KSR2: variants seen among roughly 807,000 people sequenced by gnomAD.
KSR2 encodes the protein kinase suppressor of ras 2.
Under a neutral mutation model 107.8 loss-of-function variants are expected in KSR2, and 25 were observed. The ratio of observed to expected loss-of-function variants is 0.23; its 90% CI spans 0.17 to 0.32. The LOEUF is 0.32. Ranked by LOEUF, KSR2 falls within the 10% of genes least tolerant of loss-of-function variation. The pLI is 1.00. For synonymous variants in KSR2, 480 were observed against 507.0 expected (o/e 0.95, Z 0.71); for missense variants, 887 against 1,268.9 (o/e 0.70, Z 4.57).
intron 4 of KSR2, among the ~76,000 whole-genome samples, chr12:117,720,191 C>G (rs1887152309): frequency 6.6e-6 from 1 of 152,196 alleles, no homozygotes; most frequent in Non-Finnish European, 1.5e-5. Flanking sequence ...TTGGGCACAG[C>G]CAGGGGCTGG....
At chr12:117,594,934 C>T (rs967931559) in intron 5 of KSR2, among the ~76,000 whole-genome samples, 7 of 152,096 alleles carry the variant, frequency 4.6e-5, no homozygotes, top group Middle Eastern at 3.4e-3. Flanking sequence ...GAACACTGTC[C>T]AGCTCCAAAT....
chr12:117,511,355 C>T (rs943414638), intron 14 of KSR2, among the ~76,000 whole-genome samples: 24 of 152,192 alleles, frequency 1.6e-4, no homozygotes, highest in African/African-American at 5.3e-4. Flanking sequence ...AGAGAAGTGG[C>T]CAGACTACGG....
intron 3 of KSR2, among the ~76,000 whole-genome samples, chr12:117,816,956 G>A (rs949192635): frequency 2.6e-5 from 4 of 152,140 alleles, no homozygotes; most frequent in Admixed American, 2.0e-4. Flanking sequence ...ACACAAGGCA[G>A]CACATCCATC....
intron 4 of KSR2, among the ~76,000 whole-genome samples, chr12:117,668,226 C>T (rs1159063387): frequency 2.6e-5 from 4 of 152,202 alleles, no homozygotes; most frequent in Non-Finnish European, 4.4e-5. Context: ...ACTAAGCCTT[C>T]GGTAGGATCA....
rs371418251 is a variant in KSR2 at position 117,697,882 on chromosome 12, GTTAAAT to G, written c.987-30230_987-30225del. ...AATAGGGTCATTGCAGCTGTAATTA[GTTAAAT>G]TTAGATGAGTTCATAACTGGAGTAG... is the stretch of plus-strand genomic sequence containing the variant. On this transcript the variant is annotated intron_variant, in intron 4 of 19. Transcript: ENST00000339824. Among the ~76,000 whole-genome samples the G allele has an allele frequency of 4.6e-5, 7 of 152,150 alleles. 1 individual carries two copies. The highest frequency in any genetic ancestry group is 1.4e-4 in the African/African-American group (6 of 41,508).
intron 1 of KSR2, among the ~76,000 whole-genome samples, chr12:117,939,417 T>G (rs1475065510): frequency 6.6e-6 from 1 of 152,074 alleles, no homozygotes; most frequent in East Asian, 1.9e-4. Context: ...TTGTATAGAT[T>G]TGAAACGTGG....
At chr12:117,614,961 A>G (rs929273315) in intron 5 of KSR2, among the ~76,000 whole-genome samples, 5 of 151,930 alleles carry the variant, frequency 3.3e-5, no homozygotes, top group African/African-American at 1.2e-4. Context: ...CAGTTGAGGG[A>G]AAAAAACTGT....
chr12:117,773,812 C>T lies in KSR2; in HGVS notation c.473-12288G>A, dbSNP rs116925291. On this transcript the variant is annotated intron_variant, in intron 3 of 19. Coordinates refer to ENST00000339824, the MANE Select transcript of KSR2 (RefSeq NM_173598.6). ...GGTTGAAAATATTTGACTGGAATCA[C>T]AGGAAAAGCGAAGTACAATAAGTAC... Among the ~76,000 whole-genome samples, 627 of 152,260 alleles carry T rather than the reference C, an allele frequency of 4.1e-3. 3 individuals are homozygous for T. Among genetic ancestry groups the T allele is most frequent in the Middle Eastern group, 0.014 (4 of 294 alleles).
intron 7 of KSR2, among the ~76,000 whole-genome samples, 199 bp downstream of exon 7, chr12:117,578,920 T>C (rs1879463210): frequency 6.6e-6 from 1 of 152,124 alleles, no homozygotes; most frequent in Non-Finnish European, 1.5e-5. Context: ...TTCCATTAGC[T>C]CTGGTTCTTA....
At chr12:117,888,061 G>C (rs2137346358) in intron 1 of KSR2, among the ~76,000 whole-genome samples, 1 of 152,310 alleles carries the variant, frequency 6.6e-6, no homozygotes, top group South Asian at 2.1e-4. Context: ...CTGAAGAAGG[G>C]CTTAATGCTT....
intron 16 of KSR2, among the ~76,000 whole-genome samples, chr12:117,480,973 G>T (rs1872138938): frequency 5.3e-5 from 8 of 152,116 alleles, no homozygotes. Flanking sequence ...GAGGTAGGAG[G>T]ATCGCTTGAG....
rs1018034779 is a variant in KSR2, at chr12:117,790,025, A to C, written c.473-28501T>G. ...ACCAATGCCCTGGGCTGACGCTTCCACCGTCACACCTGGACCCCTGCCAAG... is the reference window on the plus strand; with the variant it reads ...ACCAATGCCCTGGGCTGACGCTTCCCCCGTCACACCTGGACCCCTGCCAAG... On this transcript the variant is annotated intron_variant, in intron 3 of 19. Coordinates refer to ENST00000339824, the MANE Select transcript of KSR2 (RefSeq NM_173598.6). Among the ~76,000 whole-genome samples the C allele has an allele frequency of 7.9e-5, 12 of 152,290 alleles. No homozygotes were observed. In the East Asian group the frequency reaches 1.7e-3, roughly 22 times the overall value.
chr12:117,606,777 C>A (rs77262984), intron 5 of KSR2, among the ~76,000 whole-genome samples: 30 of 149,586 alleles, frequency 2.0e-4, no homozygotes, highest in African/African-American at 6.2e-4. Context: ...CCTTCCCTCC[C>A]TTCATCCCTT....
intron 4 of KSR2, among the ~76,000 whole-genome samples, chr12:117,682,330 G>C (rs1025798267): frequency 6.6e-6 from 1 of 152,160 alleles, no homozygotes; most frequent in Admixed American, 6.5e-5. Flanking sequence ...TTAATACCTA[G>C]GTGATGAGTT....
intron 3 of KSR2, among the ~76,000 whole-genome samples, chr12:117,781,334 A>T (rs764789269): frequency 1.3e-5 from 2 of 152,158 alleles, no homozygotes; most frequent in Non-Finnish European, 2.9e-5. Flanking sequence ...CTGGAGGATG[A>T]GTGGCGGTTC....
At chr12:117,561,319 T>C (rs1393972523) in intron 7 of KSR2, among the ~76,000 whole-genome samples, 1 of 152,216 alleles carries the variant, frequency 6.6e-6, no homozygotes, top group Non-Finnish European at 1.5e-5. Flanking sequence ...CTGTTGGTCA[T>C]GAATGTCATA....
At chr12:117,834,186 C>T (rs910249665) in intron 3 of KSR2, among the ~76,000 whole-genome samples, 11 of 151,524 alleles carry the variant, frequency 7.3e-5, no homozygotes, top group Non-Finnish European at 1.2e-4. Flanking sequence ...CCCAAGAATC[C>T]GAAGGACTCG....
At chr12:117,822,136 T>C (rs966555312) in intron 3 of KSR2, among the ~76,000 whole-genome samples, 2 of 152,216 alleles carry the variant, frequency 1.3e-5, no homozygotes, top group Admixed American at 6.5e-5. Context: ...AGTTACCCTA[T>C]ATGATCTAAA....
At chr12:117,860,510 A>G in intron 1 of KSR2, 79 bp from the exon 2 acceptor site, 1 of 1,384,236 alleles carries the variant, frequency 7.2e-7, no homozygotes, top group Non-Finnish European at 9.7e-7. Context: ...CCCCCTACGA[A>G]CCCCCACCCT....
Sources: allele counts gnomAD v4.1 joint callset (sites outside exome capture counted in the v4.1 genomes callset), GRCh38; gene constraint gnomAD v4.1.1; transcripts MANE v1.5; gene names NCBI Gene and HGNC (gene_info 2026-07-23, HGNC 2026-07-21).